The following C4BPA variants were observed in gnomAD, a reference collection of about 807,000 sequenced individuals.
C4BPA encodes C4b-binding protein alpha chain.
Under a neutral mutation model 63.7 loss-of-function variants are expected in C4BPA, and 31 were observed. That is an observed-to-expected ratio of 0.49 (90% CI 0.37 to 0.66). The LOEUF is 0.66. Among genes scored for constraint, C4BPA ranks in the 30% least tolerant of loss-of-function variants. The pLI, the probability that C4BPA is intolerant of heterozygous loss-of-function variation, is 0.00. For missense variants in C4BPA, 572 were observed against 723.3 expected, an observed-to-expected ratio of 0.79 and a Z score of 2.40; for synonymous variants, 259 against 254.7, an observed-to-expected ratio of 1.02 and a Z score of -0.16.
chr1:207,137,828 G>A (rs1685321124), intron 9 of C4BPA, among the ~76,000 whole-genome samples: 1 of 152,186 alleles, frequency 6.6e-6, no homozygotes, highest in Non-Finnish European at 1.5e-5. Context: ...ATGTTGGCCA[G>A]GCTGGTCTTG....
chr1:207,116,902 T>C (rs4844568), intron 4 of C4BPA, among the ~76,000 whole-genome samples: 90,636 of 151,982 alleles, frequency 0.6, 27,979 homozygotes, highest in East Asian at 0.73. Flanking sequence ...CTCTTTGATA[T>C]TATATAAAAT....
In C4BPA at chr1:207,144,571, C is replaced by T. The variant is rs754543456; in HGVS notation, c.1648C>T (p.Leu550Phe). 1 of 1,612,298 alleles carries T rather than the reference C, an allele frequency of 6.2e-7. No individual in the cohort carries two copies. The highest frequency in any genetic ancestry group is 8.5e-7 in the Non-Finnish European group (1 of 1,179,498). ...WETPEGCEQV[L>F]TGKRLMQCLP... ...GACCCCCGAAGGCTGTGAACAAGTGCTCACAGGCAAAAGACTCATGCAGTG... is the reference window on the plus strand; with the variant it reads ...GACCCCCGAAGGCTGTGAACAAGTGTTCACAGGCAAAAGACTCATGCAGTG... The change falls in exon 12 of 12, where the codon CTC (leucine) becomes TTC (phenylalanine). Residue 550 changes from leucine (L) to phenylalanine (F), a missense_variant. This residue lies in a region of C4BPA where 465 missense variants were observed against 629.4 expected (regional missense o/e 0.74). Transcript: ENST00000367070.
chr1:207,122,614 C>T lies in C4BPA; in HGVS notation c.429-1308C>T, dbSNP rs181234475. ...TTGAGTCAAGGTCTCACTCCCTTTGCCCAGGCTGGAGTGCAGTGGCACGAT... is the reference window on the plus strand; with the variant it reads ...TTGAGTCAAGGTCTCACTCCCTTTGTCCAGGCTGGAGTGCAGTGGCACGAT... On this transcript the variant is annotated intron_variant, in intron 4 of 11. Transcript: ENST00000367070. Among the ~76,000 whole-genome samples, 226 of 152,288 alleles carry T rather than the reference C, an allele frequency of 1.5e-3. 3 individuals carry two copies. In the South Asian group the frequency reaches 0.033, roughly 22 times the overall value.
Position 207,124,375 on chromosome 1 carries a change from T to C in C4BPA, c.706+9T>C. 1 of 1,585,284 alleles carries C rather than the reference T, an allele frequency of 6.3e-7. No individual in the cohort carries two copies. The stretch of plus-strand genomic sequence containing the variant: ...CCCTCCTACCTGTGAAAGTAAGTCA[T>C]AATGATGAATTCTGCATCAAAATGT... On this transcript the variant is annotated intron_variant, in intron 6 of 11. Transcript: ENST00000367070.
intron 9 of C4BPA, 41 bp from the exon 10 acceptor site, chr1:207,141,065 T>C: frequency 6.5e-7 from 1 of 1,533,324 alleles, no homozygotes; most frequent in Non-Finnish European, 8.9e-7. Context: ...TTATACACTT[T>C]ACAAACTAAT....
At chr1:207,112,350 G>GTTTTTTTTTTTT (rs61668698) in intron 1 of C4BPA, among the ~76,000 whole-genome samples, 1 of 114,168 alleles carries the variant, frequency 8.8e-6, no homozygotes, top group Non-Finnish European at 1.9e-5. Flanking sequence ...CTGCCTTTTT[G>GTTTTTTTTTTTT]TTTTTTTTTT....
chr1:207,142,279 A>G (rs1186135619), intron 10 of C4BPA, among the ~76,000 whole-genome samples: 4 of 152,176 alleles, frequency 2.6e-5, no homozygotes. Flanking sequence ...ATAGTATTCC[A>G]TGGTGTATAT....
At chr1:207,140,117 G>A (rs1685381903) in intron 9 of C4BPA, among the ~76,000 whole-genome samples, 1 of 152,164 alleles carries the variant, frequency 6.6e-6, no homozygotes, top group African/African-American at 2.4e-5. Context: ...TGAGGCATAT[G>A]AGCAGCTTTC....
Position 207,125,858 on chromosome 1 carries a change from G to A in C4BPA, c.707-855G>A, listed in dbSNP as rs1418910996. On this transcript the variant is annotated intron_variant, in intron 6 of 11. Transcript: ENST00000367070. ...GCTTCAGCGGTAGCATGGCAGTGGG[G>A]CTGGACAGAAGTTAAGGGATTGTAG... 5.9e-5 allele frequency among the ~76,000 whole-genome samples: 9 copies of A among 152,292 alleles called. No individual in the cohort carries two copies. The South Asian group carries it at 1.7e-3, about 28-fold the overall frequency.
chr1:207,112,873 GT>G lies in C4BPA; in HGVS notation c.-25-121del, dbSNP rs1214885361. 3.2e-5 allele frequency: 26 copies of G among 805,750 alleles called. 1 individual carries two copies. The highest frequency in any genetic ancestry group is 2.3e-4 in the African/African-American group (13 of 56,292). 49.9% of individuals were successfully genotyped at this position (805,750 alleles called of 1,614,324 possible). A position where few individuals can be genotyped will look rare whatever the true frequency, so the allele number is the denominator to read the frequency against. On this transcript the variant is annotated intron_variant, in intron 1 of 11. Transcript: ENST00000367070. ...TGTGCTGTAACATTTGTGCTCAGGG[GT>G]TTTTTTGTTTTGTTTCCACTCCAGG...
intron 4 of C4BPA, among the ~76,000 whole-genome samples, chr1:207,123,047 A>G (rs1684952199): frequency 6.6e-6 from 1 of 151,588 alleles, no homozygotes; most frequent in Non-Finnish European, 1.5e-5. Flanking sequence ...TGTTTTCCTT[A>G]TTGTGTATGG....
chr1:207,136,847 G>A (rs1328702012), intron 9 of C4BPA, among the ~76,000 whole-genome samples: 2 of 152,126 alleles, frequency 1.3e-5, no homozygotes, highest in Non-Finnish European at 2.9e-5. Flanking sequence ...CCCCCTACTA[G>A]AGCAAGAAAA....
intron 8 of C4BPA, 83 bp downstream of exon 8, chr1:207,131,823 A>C: frequency 1.1e-6 from 1 of 911,486 alleles, no homozygotes; most frequent in Non-Finnish European, 1.7e-6. Flanking sequence ...ATATAATTTT[A>C]TCCCTCACAA....
rs1256647295 is a variant in C4BPA, at chr1:207,104,277, CTT to C, written c.-177_-176del. The C allele has an allele frequency of 2.0e-5, 3 of 152,296 alleles. No individual in the cohort carries two copies. The East Asian group carries it at 5.8e-4, about 29-fold the overall frequency. 9.4% of individuals were successfully genotyped at this position (152,296 alleles called of 1,614,324 possible). On this transcript the variant is annotated 5_prime_UTR_variant, in exon 1 of 12. An upstream open reading frame in the 5' UTR gains an earlier in-frame stop. Coordinates refer to ENST00000367070, the MANE Select transcript of C4BPA (RefSeq NM_000715.4). ...ACCACATGGCTGAAATTCAGGGACT[CTT>C]TGGTGGAGCAATTACCAGTCAACTT...
intron 9 of C4BPA, among the ~76,000 whole-genome samples, chr1:207,138,724 C>T (rs539059177): frequency 6.6e-6 from 1 of 152,276 alleles, no homozygotes; most frequent in East Asian, 1.9e-4. Context: ...TGGGTTGGAG[C>T]AGTAACCCCA....
chr1:207,104,402 A>G lies in C4BPA; in HGVS notation c.-54A>G, dbSNP rs868305651. The G allele has an allele frequency of 6.6e-6, 1 of 152,222 alleles. No individual in the cohort carries two copies. Among genetic ancestry groups the G allele is most frequent in the Non-Finnish European group, 1.5e-5 (1 of 68,044 alleles). 9.4% of individuals were successfully genotyped at this position (152,222 alleles called of 1,614,324 possible). A position where few individuals can be genotyped will look rare whatever the true frequency, so the allele number is the denominator to read the frequency against. ...GAAACTATCCCAGATATCATCATAG[A>G]GTCTTCTGCTCTTCCTCAACTACCA... On this transcript the variant is annotated 5_prime_UTR_variant, in exon 1 of 12. Coordinates refer to ENST00000367070, the MANE Select transcript of C4BPA (RefSeq NM_000715.4).
intron 1 of C4BPA, among the ~76,000 whole-genome samples, chr1:207,109,831 C>A (rs760473622): frequency 3.3e-5 from 5 of 152,140 alleles, no homozygotes; most frequent in Non-Finnish European, 7.4e-5. Context: ...AATGGAAGAG[C>A]CTAGAGTAAA....
At chr1:207,109,383 C>A (rs1030268570) in intron 1 of C4BPA, among the ~76,000 whole-genome samples, 2 of 152,234 alleles carry the variant, frequency 1.3e-5, no homozygotes, top group African/African-American at 4.8e-5. Flanking sequence ...CCTATAATTT[C>A]TTTTGAATGT....
intron 7 of C4BPA, among the ~76,000 whole-genome samples, chr1:207,130,040 G>C (rs1384564381): frequency 6.6e-6 from 1 of 152,020 alleles, no homozygotes; most frequent in Non-Finnish European, 1.5e-5. Context: ...TATACATATT[G>C]TTTTATGCAA....
Sources: allele counts gnomAD v4.1 joint callset (sites outside exome capture counted in the v4.1 genomes callset), GRCh38; gene constraint gnomAD v4.1.1; regional missense constraint gnomAD v4.1.1; transcripts MANE v1.5; gene names NCBI Gene and HGNC (gene_info 2026-07-23, HGNC 2026-07-21).